ILDR1: variants seen among roughly 807,000 people sequenced by gnomAD.
The protein encoded by ILDR1 is immunoglobulin-like domain-containing receptor 1.
Under a neutral mutation model 62.4 loss-of-function variants are expected in ILDR1, and 56 were observed. The observed-to-expected ratio is 0.90, with a 90% confidence interval of 0.72 to 1.12. The LOEUF (loss-of-function observed/expected upper bound fraction) is 1.12, where lower values mean the gene tolerates loss of function less well. Ranked by LOEUF, ILDR1 falls within the 50% of genes most tolerant of loss-of-function variation. The probability of loss-of-function intolerance (pLI) is 0.00; values close to 1 mark genes in which losing one functional copy is unlikely to be tolerated. For synonymous variants in ILDR1, 284 were observed against 277.8 expected (o/e 1.02, Z -0.22); for missense variants, 736 against 710.6 (o/e 1.04, Z -0.41).
chr3:122,049,790 T>C, the ILDR1 span, among the ~76,000 whole-genome samples: 1 of 152,184 alleles, frequency 6.6e-6, no homozygotes, highest in African/African-American at 2.4e-5. Context: ...CATGGATGGA[T>C]TATAGCCTCA....
At chr3:121,999,367 T>G (rs998595832) in intron 5 of ILDR1, among the ~76,000 whole-genome samples, 23 of 152,164 alleles carry the variant, frequency 1.5e-4, no homozygotes. Flanking sequence ...CAAAAAAAAT[T>G]AAAAACCTTC....
At chr3:122,009,651 C>T (rs975871700) in intron 1 of ILDR1, among the ~76,000 whole-genome samples, 1 of 152,182 alleles carries the variant, frequency 6.6e-6, no homozygotes, top group Admixed American at 6.5e-5. Context: ...GGGTTTTCTC[C>T]AACAGAGTTT....
At position 121,993,726 on chromosome 3, in the gene ILDR1, G is replaced by T. The variant is rs747302416; in HGVS notation, c.1023C>A (p.Ser341=). ...HLPPLIRDLS[S]SRRTSDSLHQ... The stretch of plus-strand genomic sequence containing the variant: ...GCAGGGAGTCACTGGTCCTCCTTGA[G>T]GATGACAGGTCTCTGATCAGTGGGG... Residue 341 remains serine (S), a synonymous_variant, in exon 7 of 8, where the codon TCC becomes TCA. Coordinates refer to ENST00000344209, the MANE Select transcript of ILDR1 (RefSeq NM_001199799.2). 1 of 1,614,158 alleles carries T rather than the reference G, an allele frequency of 6.2e-7. No homozygotes were observed. Among genetic ancestry groups the T allele is most frequent in the South Asian group, 1.1e-5 (1 of 91,084 alleles).
At chr3:122,029,511 A>AAAATATATATATATATATATATAT in the ILDR1 span, among the ~76,000 whole-genome samples, 2 of 139,476 alleles carry the variant, frequency 1.4e-5, no homozygotes, top group African/African-American at 5.7e-5. Flanking sequence ...GTCTAAAAAA[A>AAAATATATATATATATATATATAT]ATATATATAT....
At chr3:122,042,609 CTAACTGGTGTG>C in the ILDR1 span, among the ~76,000 whole-genome samples, 4 of 151,492 alleles carry the variant, frequency 2.6e-5, no homozygotes, top group Admixed American at 2.6e-4. Flanking sequence ...GATTGCCATT[CTAACTGGTGTG>C]AGATGGTATC....
the ILDR1 span, among the ~76,000 whole-genome samples, chr3:122,028,349 A>G: frequency 9.9e-5 from 15 of 151,894 alleles, no homozygotes; most frequent in South Asian, 1.9e-3. Flanking sequence ...AAAAAAAAAA[A>G]AAAAAAAGGA....
intron 1 of ILDR1, among the ~76,000 whole-genome samples, chr3:122,021,515 A>G (rs1239704663): frequency 6.6e-6 from 1 of 152,206 alleles, no homozygotes; most frequent in Non-Finnish European, 1.5e-5. Flanking sequence ...TAGAAAAGTG[A>G]CATTGAACAT....
the ILDR1 span, among the ~76,000 whole-genome samples, chr3:122,038,965 A>T: frequency 6.6e-6 from 1 of 152,106 alleles, no homozygotes; most frequent in Non-Finnish European, 1.5e-5. Context: ...AAAATTATTA[A>T]TTGCCAATTA....
At position 122,001,407 on chromosome 3, in the gene ILDR1, G is replaced by A; in HGVS notation, c.547C>T (p.Leu183=). The part of the protein sequence containing the change: ...FIILGALLLL[L]LIGVCWCQCC... ...TGGCACCAGCACACTCCAATCAGCA[G>A]CAGGAGGAGGAGGGCTCCCAGGATG... The change falls in exon 5 of 8, where the codon CTG becomes TTG. Residue 183 remains leucine (L), a synonymous_variant. Coordinates refer to ENST00000344209, the MANE Select transcript of ILDR1 (RefSeq NM_001199799.2). The A allele has an allele frequency of 1.2e-6, 2 of 1,614,124 alleles. No homozygotes were observed. The highest frequency in any genetic ancestry group is 1.7e-6 in the Non-Finnish European group (2 of 1,180,006).
the ILDR1 span, among the ~76,000 whole-genome samples, chr3:122,054,182 T>C: frequency 4.6e-5 from 7 of 152,214 alleles, no homozygotes; most frequent in African/African-American, 1.7e-4. Context: ...ATATATGTAA[T>C]CTACTTCTAA....
chr3:122,047,650 A>G, the ILDR1 span, among the ~76,000 whole-genome samples: 1 of 152,108 alleles, frequency 6.6e-6, no homozygotes, highest in South Asian at 2.1e-4. Context: ...GAAAAGCGCA[A>G]TATTCGGGTG....
rs1433547816 is a variant in ILDR1 at position 121,996,039 on chromosome 3, G to A, written c.647-1726C>T. Among the ~76,000 whole-genome samples the A allele has an allele frequency of 3.9e-5, 6 of 152,012 alleles. No individual in the cohort carries two copies. The East Asian group carries it at 9.6e-4, about 24-fold the overall frequency. ...TCCTCAATTTACCTCTCTCTAACTC[G>A]GCTCCAGACCTTTCAAAGTCCACTC... On this transcript the variant is annotated intron_variant, in intron 5 of 7. Transcript: ENST00000344209.
At chr3:122,052,529 C>G in the ILDR1 span, among the ~76,000 whole-genome samples, 1 of 152,240 alleles carries the variant, frequency 6.6e-6, no homozygotes, top group South Asian at 2.1e-4. Context: ...AAGACAGAGG[C>G]TAGTCCCTCA....
At chr3:122,036,588 CAAA>C in the ILDR1 span, among the ~76,000 whole-genome samples, 2 of 98,546 alleles carry the variant, frequency 2.0e-5, no homozygotes, top group Non-Finnish European at 2.1e-5. Context: ...GACTCCATTT[CAAA>C]AAAAAAAAAA....
intron 3 of ILDR1, among the ~76,000 whole-genome samples, chr3:122,002,619 T>A (rs1335922132): frequency 6.7e-6 from 1 of 150,374 alleles, no homozygotes; most frequent in African/African-American, 2.4e-5. Context: ...TGTACATTCA[T>A]TTTTTTTTTA....
At position 121,993,491 on chromosome 3, in the gene ILDR1, T is replaced by A; in HGVS notation, c.1258A>T (p.Ser420Cys). 11 of 1,614,250 alleles carry A rather than the reference T, an allele frequency of 6.8e-6. No homozygotes were observed. The highest frequency in any genetic ancestry group is 9.3e-6 in the Non-Finnish European group (11 of 1,180,040). ...CTGGATGAGGGGACATCGCTTAGGC[T>A]GTCCCTGTCTGACCAGTGTATGGGT... ...GSPIHWSDRDSLSDVPSSSEA... is the reference protein window; with the variant it reads ...GSPIHWSDRDCLSDVPSSSEA... The change falls in exon 7 of 8, where the codon AGC becomes TGC. Residue 420 changes from serine to cysteine, a missense_variant. Physicochemically the swap from Ser to Cys is moderately radical, Grantham distance 112. Transcript: ENST00000344209.
In ILDR1 at chr3:122,022,222, C is replaced by A; in HGVS notation, c.-145G>T. 1.4e-6 allele frequency: 1 copy of A among 697,780 alleles called. No individual in the cohort carries two copies. The highest frequency in any genetic ancestry group is 2.3e-6 in the Non-Finnish European group (1 of 430,780). The allele number at this position is 697,780 out of a possible 1,614,324, so 43.2% of individuals were successfully genotyped here. A position where few individuals can be genotyped will look rare whatever the true frequency, so the allele number is the denominator to read the frequency against. On this transcript the variant is annotated 5_prime_UTR_variant, in exon 1 of 8. Coordinates refer to ENST00000344209, the MANE Select transcript of ILDR1 (RefSeq NM_001199799.2). ...CGGCGCAGCGGGGAGGGAGCGTCCG[C>A]TCTGGTCCCGGGGCAGGTGCCGCCC... is the stretch of plus-strand genomic sequence containing the variant.
the ILDR1 span, among the ~76,000 whole-genome samples, chr3:122,051,151 T>C: frequency 1.3e-5 from 2 of 152,244 alleles, no homozygotes; most frequent in African/African-American, 4.8e-5. Context: ...TTGGGCTTCT[T>C]GGATCTGTAG....
Position 122,007,039 on chromosome 3 carries a change from G to C in ILDR1, c.181C>G (p.Arg61Gly), listed in dbSNP as rs148962924. 6.2e-7 allele frequency: 1 copy of C among 1,613,708 alleles called. No individual in the cohort carries two copies. The highest frequency in any genetic ancestry group is 8.5e-7 in the Non-Finnish European group (1 of 1,180,032). Residue 61 changes from arginine to glycine, a missense_variant, in exon 2 of 8, where the codon CGC becomes GGC. Physicochemically the swap from Arg to Gly is moderately radical, Grantham distance 125 (BLOSUM62 -2). Coordinates refer to ENST00000344209, the MANE Select transcript of ILDR1 (RefSeq NM_001199799.2). ...AQLQDVVVTW[R>G]FKSFCKDPIF... is the part of the protein sequence containing the mutation. ...GGGTCCTTGCAGAAGGACTTGAAGC[G>C]CCATGTCACCACCACGTCCTGGAGC...
Sources: allele counts gnomAD v4.1 joint callset (sites outside exome capture counted in the v4.1 genomes callset), GRCh38; gene constraint gnomAD v4.1.1; transcripts MANE v1.5; gene names NCBI Gene and HGNC (gene_info 2026-07-23, HGNC 2026-07-21).